RBFOX1: variants seen among roughly 807,000 people sequenced by gnomAD.
The protein encoded by RBFOX1 is RNA binding fox-1 homolog 1.
RBFOX1 carries 8 observed loss-of-function variants against 57.7 expected under a neutral mutation model. The ratio of observed to expected loss-of-function variants is 0.14; its 90% CI spans 0.08 to 0.25. The LOEUF is 0.25. Among genes scored for constraint, RBFOX1 ranks in the 10% least tolerant of loss-of-function variants. The pLI is 1.00. For synonymous variants in RBFOX1, 326 were observed against 222.4 expected (o/e 1.47, Z -4.15); for missense variants, 611 against 548.5 (o/e 1.11, Z -1.14).
intron 2 of RBFOX1, among the ~76,000 whole-genome samples, chr16:6,539,817 A>C (rs1850752177): frequency 6.6e-6 from 1 of 151,608 alleles, no homozygotes; most frequent in South Asian, 2.1e-4. Context: ...ACACACACAC[A>C]CACACACACA....
intron 3 of RBFOX1, among the ~76,000 whole-genome samples, chr16:6,767,942 AATAAT>A (rs1320159570): frequency 1.2e-5 from 1 of 85,576 alleles, no homozygotes; most frequent in Admixed American, 1.2e-4. Flanking sequence ...TAATAATAAT[AATAAT>A]AAGAAGAAGA....
chr16:6,334,051 AT>A (rs1410447524), intron 2 of RBFOX1, among the ~76,000 whole-genome samples: 1 of 152,216 alleles, frequency 6.6e-6, no homozygotes, highest in East Asian at 1.9e-4. Flanking sequence ...CTAGAGAAAT[AT>A]TTTAACCATT....
intron 1 of RBFOX1, among the ~76,000 whole-genome samples, chr16:6,084,047 T>C (rs2096050796): frequency 6.6e-6 from 1 of 152,192 alleles, no homozygotes; most frequent in Non-Finnish European, 1.5e-5. Context: ...GTCTCAACTT[T>C]GCTACTCAAC....
At chr16:6,561,128 A>C (rs1034256626) in intron 2 of RBFOX1, among the ~76,000 whole-genome samples, 1 of 152,192 alleles carries the variant, frequency 6.6e-6, no homozygotes, top group African/African-American at 2.4e-5. Context: ...GATATTTGTA[A>C]CAAAAAGTAA....
intron 3 of RBFOX1, among the ~76,000 whole-genome samples, chr16:5,620,587 T>TA (rs1156378581): frequency 6.6e-6 from 1 of 152,188 alleles, no homozygotes; most frequent in Non-Finnish European, 1.5e-5. Context: ...TGTGTCTTCT[T>TA]ACGGCTTTCT....
At chr16:5,741,003 A>G (rs193149426) in intron 3 of RBFOX1, among the ~76,000 whole-genome samples, 3 of 152,220 alleles carry the variant, frequency 2.0e-5, no homozygotes, top group Admixed American at 1.3e-4. Context: ...GGCAGGTGGT[A>G]AAAAATTAAA....
intron 4 of RBFOX1, among the ~76,000 whole-genome samples, chr16:5,924,960 G>T (rs547364318): frequency 6.6e-6 from 1 of 152,146 alleles, no homozygotes; most frequent in African/African-American, 2.4e-5. Flanking sequence ...CCCTAAGTTG[G>T]TTCAGGGACC....
chr16:5,629,173 G>T (rs756782216), intron 3 of RBFOX1, among the ~76,000 whole-genome samples: 1 of 152,198 alleles, frequency 6.6e-6, no homozygotes, highest in Non-Finnish European at 1.5e-5. Context: ...GGCTGGATAA[G>T]CAACCTGAAT....
rs186856082 is a variant in RBFOX1, at chr16:6,936,824, C to T, written c.-15-115233C>T. ...GTGCCCAAAACGCTTTAAAGAGGTT[C>T]TTTCCGAATGCTCAAAAACAGTGTA... On this transcript the variant is annotated intron_variant, in intron 3 of 15. Transcript: ENST00000550418. Among the ~76,000 whole-genome samples the T allele has an allele frequency of 7.2e-5, 11 of 151,826 alleles. No individual in the cohort carries two copies. The East Asian group carries it at 2.0e-3, about 27-fold the overall frequency.
At chr16:5,395,821 G>A (rs188236971) in intron 1 of RBFOX1, among the ~76,000 whole-genome samples, 1 of 152,354 alleles carries the variant, frequency 6.6e-6, no homozygotes, top group East Asian at 1.9e-4. Flanking sequence ...CCATTTGGGA[G>A]AAGCCCATGT....
intron 3 of RBFOX1, among the ~76,000 whole-genome samples, chr16:5,626,639 G>T (rs1469840965): frequency 6.6e-6 from 1 of 152,106 alleles, no homozygotes; most frequent in African/African-American, 2.4e-5. Context: ...TGGGAATAAG[G>T]TGTCAAATGT....
intron 4 of RBFOX1, among the ~76,000 whole-genome samples, chr16:7,075,821 C>T (rs575782678): frequency 2.3e-4 from 35 of 152,088 alleles, no homozygotes; most frequent in South Asian, 1.0e-3. Context: ...ACCTCGTGAT[C>T]TGCCTGCCTC....
At chr16:7,629,063 CG>C (rs1568176138) in intron 10 of RBFOX1, among the ~76,000 whole-genome samples, 1 of 152,042 alleles carries the variant, frequency 6.6e-6, no homozygotes, top group Non-Finnish European at 1.5e-5. Flanking sequence ...GGCTATTTTG[CG>C]GGTGGGGGTG....
chr16:5,846,615 T>A (rs547439871), intron 3 of RBFOX1, among the ~76,000 whole-genome samples: 35 of 152,258 alleles, frequency 2.3e-4, no homozygotes, highest in African/African-American at 7.7e-4. Flanking sequence ...CCCAACCCTG[T>A]CCCAAGGAAC....
chr16:6,099,101 C>T (rs779715117), intron 1 of RBFOX1, among the ~76,000 whole-genome samples: 2 of 152,174 alleles, frequency 1.3e-5, no homozygotes, highest in Non-Finnish European at 2.9e-5. Flanking sequence ...GGGGGCGACA[C>T]ATTTTAGAAT....
At chr16:7,383,857 C>G (rs1036605654) in intron 4 of RBFOX1, among the ~76,000 whole-genome samples, 1 of 152,002 alleles carries the variant, frequency 6.6e-6, no homozygotes, top group Non-Finnish European at 1.5e-5. Flanking sequence ...AAGATCGAGA[C>G]TATCCTGGCT....
chr16:6,986,358 C>T (rs1172589046), intron 3 of RBFOX1, among the ~76,000 whole-genome samples: 1 of 152,084 alleles, frequency 6.6e-6, no homozygotes, highest in Admixed American at 6.6e-5. Context: ...GCCACCATGT[C>T]TGGCTAATTT....
chr16:6,732,641 T>C (rs981185379), intron 3 of RBFOX1, among the ~76,000 whole-genome samples: 9 of 152,224 alleles, frequency 5.9e-5, no homozygotes, highest in Admixed American at 4.6e-4. Flanking sequence ...GACAGTGACA[T>C]TGGAGAGAAG....
chr16:7,457,576 T>A (rs769602803), intron 4 of RBFOX1, among the ~76,000 whole-genome samples: 29 of 152,218 alleles, frequency 1.9e-4, no homozygotes, highest in Non-Finnish European at 3.5e-4. Flanking sequence ...TTTGATGCTC[T>A]GTTCCTTCTT....
Sources: allele counts gnomAD v4.1 joint callset (sites outside exome capture counted in the v4.1 genomes callset), GRCh38; gene constraint gnomAD v4.1.1; transcripts MANE v1.5; gene names NCBI Gene and HGNC (gene_info 2026-07-23, HGNC 2026-07-21).